NCAM2: variants seen among roughly 807,000 people sequenced by gnomAD.
NCAM2 encodes neural cell adhesion molecule 2.
NCAM2 carries 30 observed loss-of-function variants against 98.1 expected under a neutral mutation model. The ratio of observed to expected loss-of-function variants is 0.31; its 90% CI spans 0.23 to 0.41. The LOEUF (loss-of-function observed/expected upper bound fraction) is 0.41. NCAM2 is among the 10% of genes least tolerant of loss of function. The pLI, the probability that NCAM2 is intolerant of heterozygous loss-of-function variation, is 1.00. For synonymous variants in NCAM2, 368 were observed against 342.4 expected (o/e 1.07, Z -0.83); for missense variants, 867 against 1,005.8 (o/e 0.86, Z 1.87).
intron 3 of NCAM2, among the ~76,000 whole-genome samples, 164 bp downstream of exon 3, chr21:21,284,564 C>T (rs1185919145): frequency 1.3e-5 from 2 of 151,542 alleles, no homozygotes; most frequent in African/African-American, 4.8e-5. Context: ...GAATAGCTAA[C>T]AGATAATAAG....
chr21:21,410,594 A>G (rs977600466), intron 10 of NCAM2, 133 bp downstream of exon 10: 17 of 485,276 alleles, frequency 3.5e-5, no homozygotes, highest in Non-Finnish European at 5.6e-5. Flanking sequence ...TATATTTTAC[A>G]GTTATTTACT....
chr21:21,052,826 G>C (rs2065138891), intron 1 of NCAM2, among the ~76,000 whole-genome samples: 1 of 152,036 alleles, frequency 6.6e-6, no homozygotes, highest in Non-Finnish European at 1.5e-5. Flanking sequence ...TTTCCAAAGT[G>C]AAAATAGAAG....
Position 21,353,354 on chromosome 21 carries a change from G to A in NCAM2, c.1044+14820G>A, listed in dbSNP as rs188707018. Among the ~76,000 whole-genome samples the A allele has an allele frequency of 3.3e-4, 50 of 152,254 alleles. No homozygotes were observed. The South Asian group carries it at 9.8e-3, about 30-fold the overall frequency. Reference sequence around the variant, plus strand: ...AAAGTTTACTCTAAAATAATCTCTAGCAATATTAATTCAGTGATTCATATA... The same window carrying A: ...AAAGTTTACTCTAAAATAATCTCTAACAATATTAATTCAGTGATTCATATA... On this transcript the variant is annotated intron_variant, in intron 8 of 17. Coordinates refer to ENST00000400546, the MANE Select transcript of NCAM2 (RefSeq NM_004540.5).
At chr21:21,101,281 A>G (rs6518077) in intron 1 of NCAM2, among the ~76,000 whole-genome samples, 51,605 of 151,920 alleles carry the variant, frequency 0.34, 11,843 homozygotes, top group African/African-American at 0.65. Flanking sequence ...TATGTTGATA[A>G]AACATGGAAA....
At chr21:21,357,593 T>C (rs540511338) in intron 8 of NCAM2, among the ~76,000 whole-genome samples, 1 of 152,256 alleles carries the variant, frequency 6.6e-6, no homozygotes, top group South Asian at 2.1e-4. Flanking sequence ...TATAGCATTG[T>C]CTTTAAGATT....
At chr21:21,226,556 G>A (rs1026154580) in intron 1 of NCAM2, 3 of 152,018 alleles carry the variant, frequency 2.0e-5, no homozygotes, top group Non-Finnish European at 4.4e-5. Context: ...TGTCTATTAT[G>A]TTTGTTTCAG....
intron 1 of NCAM2, among the ~76,000 whole-genome samples, chr21:21,150,767 G>A (rs1045783835): frequency 6.6e-6 from 1 of 151,536 alleles, no homozygotes; most frequent in African/African-American, 2.4e-5. Flanking sequence ...TTGTTTTCTG[G>A]TAATATATTT....
At chr21:21,297,983 C>T (rs576607056) in intron 5 of NCAM2, among the ~76,000 whole-genome samples, 51 of 151,698 alleles carry the variant, frequency 3.4e-4, no homozygotes, top group Admixed American at 7.9e-4. Context: ...TTTCTTTAGT[C>T]GATCTTTGAA....
intron 5 of NCAM2, among the ~76,000 whole-genome samples, chr21:21,293,205 G>A (rs2073357060): frequency 6.6e-6 from 1 of 151,812 alleles, no homozygotes; most frequent in Admixed American, 6.6e-5. Flanking sequence ...CTGTTATGAA[G>A]ACATATCCAT....
intron 9 of NCAM2, among the ~76,000 whole-genome samples, chr21:21,378,497 A>T (rs2076082326): frequency 6.6e-6 from 1 of 152,026 alleles, no homozygotes; most frequent in Non-Finnish European, 1.5e-5. Context: ...AATTAAAGAT[A>T]ATTTGCCCAT....
chr21:21,013,891 C>A (rs1307031212), intron 1 of NCAM2, among the ~76,000 whole-genome samples: 3 of 152,148 alleles, frequency 2.0e-5, no homozygotes, highest in Non-Finnish European at 2.9e-5. Flanking sequence ...GATGGAGAAG[C>A]TACAGCAAGT....
intron 1 of NCAM2, among the ~76,000 whole-genome samples, chr21:21,151,319 G>C (rs1032437925): frequency 3.3e-5 from 5 of 151,920 alleles, no homozygotes; most frequent in African/African-American, 1.2e-4. Context: ...TGTGCACAAC[G>C]TGCATGTTTG....
chr21:21,331,653 G>A (rs1477655834), intron 6 of NCAM2, among the ~76,000 whole-genome samples: 1 of 118,428 alleles, frequency 8.4e-6, no homozygotes, highest in East Asian at 2.4e-4. Context: ...GCAGTGGTGC[G>A]ATCTTGGCCC....
rs148006943 is a variant in NCAM2, at chr21:21,484,788, G to A, written c.2077+7317G>A. 2.4e-3 allele frequency among the ~76,000 whole-genome samples: 369 copies of A among 152,210 alleles called. 2 individuals are homozygous for A. The highest frequency in any genetic ancestry group is 8.3e-3 in the African/African-American group (345 of 41,552). On this transcript the variant is annotated intron_variant, in intron 15 of 17. Transcript: ENST00000400546. ...AAATGAAGGAAATTCAATCGGGATT[G>A]CTACTTTCAGCTACCAGTTCACTGC...
chr21:21,503,578 A>G (rs1444970828), intron 15 of NCAM2, among the ~76,000 whole-genome samples: 1 of 151,956 alleles, frequency 6.6e-6, no homozygotes, highest in Admixed American at 6.6e-5. Context: ...TTTTTGGACC[A>G]CAGTTGACTA....
At chr21:21,264,674 C>A (rs2072060941) in intron 1 of NCAM2, among the ~76,000 whole-genome samples, 1 of 149,798 alleles carries the variant, frequency 6.7e-6, no homozygotes, top group Admixed American at 6.7e-5. Flanking sequence ...TATACACACA[C>A]ACACATATAT....
At chr21:21,478,567 A>C (rs942720531) in intron 15 of NCAM2, among the ~76,000 whole-genome samples, 1 of 152,000 alleles carries the variant, frequency 6.6e-6, no homozygotes, top group African/African-American at 2.4e-5. Flanking sequence ...TTTCAATTAA[A>C]AAGTAATTAG....
chr21:21,071,959 C>A (rs1453489216), intron 1 of NCAM2, among the ~76,000 whole-genome samples: 1 of 151,884 alleles, frequency 6.6e-6, no homozygotes, highest in Non-Finnish European at 1.5e-5. Flanking sequence ...GTTGCCCAGG[C>A]TGGAGTGCAG....
Position 21,063,888 on chromosome 21 carries a change from T to G in NCAM2, c.55+65270T>G, listed in dbSNP as rs546996615. On this transcript the variant is annotated intron_variant, in intron 1 of 17. Transcript: ENST00000400546. ...TGTATAAAGTTTCTTACATCAATTA[T>G]ATTTCTGTTCTGGCCATGGGCATGT... is the stretch of plus-strand genomic sequence containing the variant. 2.6e-5 allele frequency among the ~76,000 whole-genome samples: 4 copies of G among 152,338 alleles called. No individual in the cohort carries two copies. The South Asian group carries it at 6.2e-4, about 24-fold the overall frequency.
Sources: allele counts gnomAD v4.1 joint callset (sites outside exome capture counted in the v4.1 genomes callset), GRCh38; gene constraint gnomAD v4.1.1; transcripts MANE v1.5; gene names NCBI Gene and HGNC (gene_info 2026-07-23, HGNC 2026-07-21).